The following CHCHD3 variants were observed in gnomAD, a reference collection of about 807,000 sequenced individuals.
CHCHD3 encodes the protein coiled-coil-helix-coiled-coil-helix domain containing 3.
Under a neutral mutation model 38.2 loss-of-function variants are expected in CHCHD3, and 20 were observed. The ratio of observed to expected loss-of-function variants is 0.52; its 90% confidence interval spans 0.37 to 0.76. The LOEUF (loss-of-function observed/expected upper bound fraction) is 0.76, where lower values mean the gene tolerates loss of function less well. Ranked by LOEUF, CHCHD3 falls within the 30% of genes least tolerant of loss-of-function variation. The probability of loss-of-function intolerance (pLI) is 0.00; values close to 1 mark genes in which losing one functional copy is unlikely to be tolerated. For synonymous variants in CHCHD3, 82 were observed against 100.0 expected (o/e 0.82, Z 1.07); for missense variants, 245 against 279.2 (o/e 0.88, Z 0.87).
intron 3 of CHCHD3, chr7:133,022,386 T>C (rs1261760195): frequency 4.4e-6 from 2 of 456,626 alleles, no homozygotes; most frequent in South Asian, 3.1e-5. Flanking sequence ...AAATCTCGAT[T>C]CAATTCAGGC....
chr7:132,819,398 C>CA (rs948809583), intron 6 of CHCHD3, among the ~76,000 whole-genome samples: 1 of 150,350 alleles, frequency 6.7e-6, no homozygotes. Context: ...AGAAAACGCA[C>CA]TTTTTTTTTT....
At chr7:132,910,111 T>C (rs746755740) in intron 4 of CHCHD3, among the ~76,000 whole-genome samples, 5 of 152,208 alleles carry the variant, frequency 3.3e-5, no homozygotes, top group Middle Eastern at 3.2e-3. Context: ...ATAAACTTTC[T>C]ATCCACAAGT....
intron 6 of CHCHD3, among the ~76,000 whole-genome samples, chr7:132,832,115 G>A (rs544234062): frequency 1.9e-4 from 29 of 152,202 alleles, no homozygotes; most frequent in African/African-American, 6.5e-4. Flanking sequence ...TTACATTGAA[G>A]AAAACCTTTA....
At chr7:132,894,379 C>T (rs1247616443) in intron 4 of CHCHD3, among the ~76,000 whole-genome samples, 1 of 152,152 alleles carries the variant, frequency 6.6e-6, no homozygotes, top group Non-Finnish European at 1.5e-5. Context: ...TTCGGAATCA[C>T]CACATCACCA....
chr7:132,888,763 G>A (rs79774630), intron 4 of CHCHD3, among the ~76,000 whole-genome samples: 1,626 of 151,894 alleles, frequency 0.011, 18 homozygotes, highest in Non-Finnish European at 0.017. Flanking sequence ...AGCTGATATC[G>A]TAACAGAAAA....
chr7:132,973,991 C>T (rs747206270), intron 4 of CHCHD3: 3 of 1,287,626 alleles, frequency 2.3e-6, no homozygotes, highest in Non-Finnish European at 2.0e-6. Flanking sequence ...GCAGTCAACA[C>T]TCCAGGTTTC....
At chr7:133,020,221 T>C (rs1299728646) in intron 3 of CHCHD3, among the ~76,000 whole-genome samples, 1 of 152,178 alleles carries the variant, frequency 6.6e-6, no homozygotes, top group African/African-American at 2.4e-5. Flanking sequence ...AGTCCATATG[T>C]AAATGTTTTG....
intron 4 of CHCHD3, among the ~76,000 whole-genome samples, chr7:132,949,971 T>C (rs1237567551): frequency 6.6e-6 from 1 of 152,046 alleles, no homozygotes; most frequent in Non-Finnish European, 1.5e-5. Context: ...CTCCAGGAGG[T>C]TCTCAGTTGT....
chr7:132,854,106 T>C (rs1308614632), intron 5 of CHCHD3, among the ~76,000 whole-genome samples: 1 of 152,132 alleles, frequency 6.6e-6, no homozygotes, highest in African/African-American at 2.4e-5. Flanking sequence ...TTGGTACAAT[T>C]TACGGCAACA....
At chr7:132,929,502 T>G (rs2117251980) in intron 4 of CHCHD3, among the ~76,000 whole-genome samples, 1 of 152,328 alleles carries the variant, frequency 6.6e-6, no homozygotes, top group South Asian at 2.1e-4. Context: ...TCCCAGAGCT[T>G]CATCTCTTTG....
intron 4 of CHCHD3, chr7:132,972,584 G>T (rs1395695595): frequency 5.1e-6 from 5 of 985,074 alleles, no homozygotes; most frequent in Admixed American, 6.2e-5. Context: ...GAGAAATCTG[G>T]TAAATAAATT....
rs1190176168 is a variant in CHCHD3 at position 132,885,701 on chromosome 7, A to C, written c.414T>G (p.Asp138Glu). 1 of 1,609,432 alleles carries C rather than the reference A, an allele frequency of 6.2e-7. No individual in the cohort carries two copies. Among genetic ancestry groups the C allele is most frequent in the Non-Finnish European group, 8.5e-7 (1 of 1,178,466 alleles). Residue 138 changes from aspartate (D) to glutamate (E), a missense_variant, in exon 5 of 8, where the codon GAT becomes GAG. Coordinates refer to ENST00000262570, the MANE Select transcript of CHCHD3 (RefSeq NM_017812.4). ...EEKDRVLKKQDAFYKEQLARL... is the reference protein window; with the variant it reads ...EEKDRVLKKQEAFYKEQLARL... ...TAGCCAGCTGTTCTTTGTAGAATGC[A>C]TCCTGCTTCTTTAGCACTCGGTCTT...
intron 6 of CHCHD3, among the ~76,000 whole-genome samples, chr7:132,820,782 A>G (rs907868484): frequency 6.6e-6 from 1 of 152,218 alleles, no homozygotes; most frequent in Non-Finnish European, 1.5e-5. Context: ...AAGTGACTAC[A>G]GAACACGTTA....
intron 4 of CHCHD3, among the ~76,000 whole-genome samples, chr7:132,952,329 C>T (rs369635650): frequency 2.0e-5 from 3 of 152,202 alleles, no homozygotes; most frequent in Non-Finnish European, 4.4e-5. Context: ...AATTGTTTGG[C>T]AGAGGGACTT....
chr7:132,955,905 G>A (rs1811153007), intron 4 of CHCHD3, among the ~76,000 whole-genome samples: 1 of 152,150 alleles, frequency 6.6e-6, no homozygotes, highest in African/African-American at 2.4e-5. Flanking sequence ...ATCCAGGGTG[G>A]TCAGATAACA....
At chr7:133,050,683 T>A (rs115190614) in intron 2 of CHCHD3, among the ~76,000 whole-genome samples, 3,928 of 152,288 alleles carry the variant, frequency 0.026, 140 homozygotes, top group African/African-American at 0.082. Flanking sequence ...TTATCACAGC[T>A]TAACTGTCAA....
intron 4 of CHCHD3, among the ~76,000 whole-genome samples, chr7:132,925,526 G>T (rs907478158): frequency 6.6e-6 from 1 of 152,162 alleles, no homozygotes; most frequent in Non-Finnish European, 1.5e-5. Context: ...CGGGACACGG[G>T]TCCCCATCCC....
At chr7:132,999,311 A>G (rs1025914735) in intron 3 of CHCHD3, among the ~76,000 whole-genome samples, 1 of 152,222 alleles carries the variant, frequency 6.6e-6, no homozygotes, top group African/African-American at 2.4e-5. Flanking sequence ...TCACATGAAG[A>G]TGGTTAATAG....
chr7:132,928,044 C>T (rs923543242), intron 4 of CHCHD3, among the ~76,000 whole-genome samples: 11 of 152,108 alleles, frequency 7.2e-5, no homozygotes, highest in Non-Finnish European at 1.6e-4. Flanking sequence ...GAAGAGAGTC[C>T]ACTAAACCCC....
Sources: allele counts gnomAD v4.1 joint callset (sites outside exome capture counted in the v4.1 genomes callset), GRCh38; gene constraint gnomAD v4.1.1; transcripts MANE v1.5; gene names NCBI Gene and HGNC (gene_info 2026-07-23, HGNC 2026-07-21).